Variants in PKHD1 observed in about 807,000 individuals in gnomAD.
The protein encoded by PKHD1 is fibrocystin.
PKHD1 carries 291 observed loss-of-function variants against 412.0 expected under a neutral mutation model. The observed-to-expected ratio is 0.71, with a 90% CI of 0.64 to 0.78. PKHD1 has a LOEUF of 0.78. Among genes scored for constraint, PKHD1 ranks in the 30% least tolerant of loss-of-function variants. The probability of loss-of-function intolerance (pLI) is 0.00; values close to 1 mark genes in which losing one functional copy is unlikely to be tolerated. For missense variants in PKHD1, 4,825 were observed against 4,950.7 expected (o/e 0.97, Z 0.76); for synonymous variants, 1,777 against 1,821.5 (o/e 0.98, Z 0.62).
At chr6:51,738,850 C>A (rs1174442195) in intron 60 of PKHD1, among the ~76,000 whole-genome samples, 2 of 151,974 alleles carry the variant, frequency 1.3e-5, no homozygotes, top group East Asian at 3.9e-4. Context: ...TCAGGGCAGG[C>A]ACTCCTCACT....
At chr6:51,903,357 G>C (rs1474438393) in intron 43 of PKHD1, among the ~76,000 whole-genome samples, 1 of 152,180 alleles carries the variant, frequency 6.6e-6, no homozygotes, top group Non-Finnish European at 1.5e-5. Flanking sequence ...AGATGGCTTT[G>C]AATGTGGCCA....
intron 60 of PKHD1, among the ~76,000 whole-genome samples, chr6:51,707,491 G>A (rs779917791): frequency 6.6e-6 from 1 of 152,110 alleles, no homozygotes; most frequent in Non-Finnish European, 1.5e-5. Context: ...TTTACTCTAA[G>A]TCTACTGACT....
At chr6:51,739,879 C>T (rs552673432) in intron 60 of PKHD1, 259 of 412,342 alleles carry the variant, frequency 6.3e-4, no homozygotes, top group Admixed American at 1.6e-3. Flanking sequence ...TGGTGCCCCA[C>T]ATGTGTGAAC....
intron 52 of PKHD1, among the ~76,000 whole-genome samples, chr6:51,825,842 C>A (rs1215543045): frequency 1.3e-5 from 2 of 152,076 alleles, no homozygotes; most frequent in Admixed American, 6.6e-5. Flanking sequence ...TTCTTCCCTT[C>A]CCACTTGCTA....
chr6:51,703,459 T>C (rs1305129423), intron 60 of PKHD1, among the ~76,000 whole-genome samples: 1 of 151,948 alleles, frequency 6.6e-6, no homozygotes, highest in Non-Finnish European at 1.5e-5. Flanking sequence ...CTCTAGTTAA[T>C]GGAGAACTTC....
chr6:51,851,897 T>A (rs192912710), intron 49 of PKHD1, among the ~76,000 whole-genome samples: 1 of 152,254 alleles, frequency 6.6e-6, no homozygotes, highest in African/African-American at 2.4e-5. Context: ...TTTGTGTCTA[T>A]AACTCCTTCA....
At chr6:51,817,247 G>A (rs1765612855) in intron 52 of PKHD1, among the ~76,000 whole-genome samples, 4 of 152,102 alleles carry the variant, frequency 2.6e-5, no homozygotes, top group Admixed American at 2.6e-4. Flanking sequence ...CCTTACTACA[G>A]GTGATCTTGC....
intron 55 of PKHD1, among the ~76,000 whole-genome samples, chr6:51,755,890 G>A (rs1284266190): frequency 6.6e-6 from 1 of 151,684 alleles, no homozygotes; most frequent in South Asian, 2.1e-4. Flanking sequence ...TATGTCATTT[G>A]TATTAAAATA....
chr6:51,722,080 C>A (rs1293485837), intron 60 of PKHD1: 22 of 1,612,662 alleles, frequency 1.4e-5, no homozygotes, highest in Non-Finnish European at 1.9e-5. Flanking sequence ...TATGTCTCCA[C>A]CCTTCTTTTC....
intron 64 of PKHD1, among the ~76,000 whole-genome samples, chr6:51,637,161 G>A (rs932676869): frequency 2.0e-5 from 3 of 152,156 alleles, no homozygotes; most frequent in Non-Finnish European, 4.4e-5. Context: ...TATTTGGTTA[G>A]TCTTAATTAA....
chr6:51,992,046 T>C (rs1486551514), intron 35 of PKHD1, among the ~76,000 whole-genome samples: 1 of 152,236 alleles, frequency 6.6e-6, no homozygotes, highest in Non-Finnish European at 1.5e-5. Context: ...GCTCTGCCAC[T>C]TTCCAGCTGT....
intron 60 of PKHD1, among the ~76,000 whole-genome samples, chr6:51,723,415 T>C (rs1316975421): frequency 2.6e-5 from 4 of 152,108 alleles, no homozygotes; most frequent in African/African-American, 9.7e-5. Context: ...CTGTTTGGAG[T>C]TGGGAATGTA....
At chr6:51,739,302 C>T (rs1456302103) in intron 60 of PKHD1, among the ~76,000 whole-genome samples, 1 of 151,904 alleles carries the variant, frequency 6.6e-6, no homozygotes, top group Non-Finnish European at 1.5e-5. Flanking sequence ...GTCATCTTGG[C>T]TCACTGTAAC....
chr6:51,638,895 G>T lies in PKHD1; in HGVS notation c.11460C>A (p.Ile3820=), dbSNP rs763641339. The change falls in exon 64 of 67, where the codon ATC becomes ATA. Residue 3820 remains isoleucine (I), a synonymous_variant. Transcript: ENST00000371117. ...AAATAAAGTGCCAGTTTGACCCAGA[G>T]ATCAAGACTGCCAAGTTGTAGAAGC... The part of the protein sequence containing the change: ...YVSFYNLAVL[I]SGSNWHFIFT... 5.0e-6 allele frequency: 8 copies of T among 1,613,284 alleles called. No homozygotes were observed. In the East Asian group the frequency reaches 1.8e-4, roughly 36 times the overall value.
chr6:51,653,422 T>C (rs890571160), intron 61 of PKHD1, among the ~76,000 whole-genome samples: 1 of 152,092 alleles, frequency 6.6e-6, no homozygotes, highest in Non-Finnish European at 1.5e-5. Flanking sequence ...CAGTACATGT[T>C]GTTATAGTAA....
In PKHD1 at chr6:51,619,373, T is replaced by G; in HGVS notation, c.11933A>C (p.His3978Pro). 6.2e-7 allele frequency: 1 copy of G among 1,613,980 alleles called. No individual in the cohort carries two copies. Among genetic ancestry groups the G allele is most frequent in the Non-Finnish European group, 8.5e-7 (1 of 1,179,824 alleles). Residue 3978 changes from histidine to proline, a missense_variant, in exon 67 of 67, where the codon CAT becomes CCT. Physicochemically the swap from His to Pro is moderately conservative, Grantham distance 77. Transcript: ENST00000371117. ...AGCACCTGGAGCACAGATGTGCCCA[T>G]GGGATGTGATGCCAGTAGTACCAGG... The part of the protein sequence containing the change: ...PAPGTTGITS[H>P]GHICAPGAPA...
intron 14 of PKHD1, among the ~76,000 whole-genome samples, chr6:52,060,672 C>T (rs1278161500): frequency 1.3e-5 from 2 of 152,040 alleles, no homozygotes; most frequent in African/African-American, 4.8e-5. Context: ...ACTGATTAGA[C>T]TCTGTAAATA....
At chr6:51,873,189 G>T (rs9370079) in intron 46 of PKHD1, among the ~76,000 whole-genome samples, 61,381 of 151,882 alleles carry the variant, frequency 0.4, 13,586 homozygotes, top group East Asian at 0.85. Context: ...ATGAAGACCA[G>T]AAGGCATATA....
At position 51,748,682 on chromosome 6, in the gene PKHD1, G is replaced by A; in HGVS notation, c.8951-17C>T. The A allele has an allele frequency of 6.2e-7, 1 of 1,611,716 alleles. No homozygotes were observed. The highest frequency in any genetic ancestry group is 8.5e-7 in the Non-Finnish European group (1 of 1,178,154). ...GAAGGACACCTATAAACAAATGCAT[G>A]TCATCAGGTACTTTCCTCTTCCCCA... On this transcript the variant is annotated splice_polypyrimidine_tract_variant and intron_variant, in intron 57 of 66. Transcript: ENST00000371117.
Sources: allele counts gnomAD v4.1 joint callset (sites outside exome capture counted in the v4.1 genomes callset), GRCh38; gene constraint gnomAD v4.1.1; transcripts MANE v1.5; gene names NCBI Gene and HGNC (gene_info 2026-07-23, HGNC 2026-07-21).